The following CAPN5 variants were observed in gnomAD, a reference collection of about 807,000 sequenced individuals.
CAPN5 encodes calpain-5.
CAPN5 carries 54 observed loss-of-function variants against 73.0 expected under a neutral mutation model. The observed-to-expected ratio is 0.74, with a 90% CI of 0.59 to 0.93. The LOEUF is 0.93. Ranked by LOEUF, CAPN5 falls within the 40% of genes least tolerant of loss-of-function variation. The pLI is 0.00. For synonymous variants in CAPN5, 335 were observed against 356.9 expected, an observed-to-expected ratio of 0.94 and a Z score of 0.69; for missense variants, 785 against 882.9, an observed-to-expected ratio of 0.89 and a Z score of 1.41.
chr11:77,088,011 A>C (rs1555035852), intron 2 of CAPN5: 2 of 1,536,020 alleles, frequency 1.3e-6, no homozygotes, highest in South Asian at 2.4e-5. Context: ...GAATGTCCCC[A>C]GGCCTGGGAG....
intron 1 of CAPN5, among the ~76,000 whole-genome samples, chr11:77,074,556 A>T (rs1488886834): frequency 3.9e-5 from 6 of 152,124 alleles, no homozygotes; most frequent in African/African-American, 1.4e-4. Flanking sequence ...ACCAGCAAAG[A>T]TGTGCAAGTT....
chr11:77,086,292 G>C (rs1555035527), intron 2 of CAPN5, among the ~76,000 whole-genome samples: 2 of 152,176 alleles, frequency 1.3e-5, no homozygotes, highest in African/African-American at 4.8e-5. Context: ...ATGATCTCGA[G>C]TCCCTTCTGA....
chr11:77,118,498 T>G (rs1950490798), intron 8 of CAPN5, 146 bp downstream of exon 8: 1 of 661,328 alleles, frequency 1.5e-6, no homozygotes, highest in Non-Finnish European at 2.5e-6. Context: ...GGGGGTTAGA[T>G]GGGCACATCC....
At position 77,098,231 on chromosome 11, in the gene CAPN5, AC is replaced by A. The variant is rs1387405493; in HGVS notation, c.297+4426del. Among the ~76,000 whole-genome samples the A allele has an allele frequency of 1.3e-3, 74 of 56,860 alleles. 3 individuals are homozygous for A. Among genetic ancestry groups the A allele is most frequent in the Non-Finnish European group, 1.4e-3 (43 of 31,196 alleles). The allele number at this position is 56,860 out of a possible 152,430, so 37.3% of individuals were successfully genotyped here. On this transcript the variant is annotated intron_variant, in intron 3 of 12. Coordinates refer to ENST00000648180, the MANE Select transcript of CAPN5 (RefSeq NM_004055.5). ...GGCGGCTGGCCGGGCAGGGGGGCTG[AC>A]CCCCCCCACCTCCCTCCCGGACGGG...
intron 2 of CAPN5, chr11:77,087,990 C>A: frequency 6.5e-7 from 1 of 1,535,684 alleles, no homozygotes; most frequent in Non-Finnish European, 8.7e-7. Flanking sequence ...GGGAGATGCA[C>A]GGAGAATGGA....
At chr11:77,118,127 G>A (rs1555042038) in intron 7 of CAPN5, 30 bp from the exon 8 acceptor site, 2 of 1,589,492 alleles carry the variant, frequency 1.3e-6, no homozygotes, top group South Asian at 1.1e-5. Context: ...TGTGGGGGAG[G>A]TACCCTGCTC....
At chr11:77,087,788 TG>T (rs745458986) in intron 2 of CAPN5, among the ~76,000 whole-genome samples, 7 of 152,218 alleles carry the variant, frequency 4.6e-5, no homozygotes, top group South Asian at 4.1e-4. Flanking sequence ...GGCAACTTTT[TG>T]TTGGGGACCT....
chr11:77,120,142 G>A (rs1405909072), intron 9 of CAPN5: 1 of 152,280 alleles, frequency 6.6e-6, no homozygotes, highest in Non-Finnish European at 1.5e-5. Flanking sequence ...CAAACTCCTG[G>A]ACTCAAACGA....
chr11:77,073,303 T>C (rs1949930655), intron 1 of CAPN5, among the ~76,000 whole-genome samples: 1 of 152,220 alleles, frequency 6.6e-6, no homozygotes, highest in Non-Finnish European at 1.5e-5. Context: ...GACTTCTTCC[T>C]GTCCTGCCCA....
intron 9 of CAPN5, 176 bp downstream of exon 9, chr11:77,119,328 G>A (rs1261909282): frequency 1.4e-6 from 1 of 693,432 alleles, no homozygotes; most frequent in African/African-American, 1.8e-5. Flanking sequence ...ATTCACAGAG[G>A]GCCCAGCCTG....
intron 1 of CAPN5, chr11:77,071,628 A>C (rs1421787538): frequency 6.6e-6 from 3 of 454,330 alleles, no homozygotes; most frequent in South Asian, 4.7e-5. Flanking sequence ...TCTGAAGCAC[A>C]AAGAGGTTAA....
chr11:77,096,039 G>A (rs7943320), intron 3 of CAPN5, among the ~76,000 whole-genome samples: 2,310 of 152,236 alleles, frequency 0.015, 63 homozygotes, highest in African/African-American at 0.053. Context: ...TCATTACTGC[G>A]CCTTCCGTCC....
chr11:77,121,196 A>C (rs1239378046), intron 10 of CAPN5, among the ~76,000 whole-genome samples: 2 of 152,214 alleles, frequency 1.3e-5, no homozygotes, highest in South Asian at 2.1e-4. Context: ...TGACTCCCGC[A>C]CTTTACCAGT....
intron 3 of CAPN5, among the ~76,000 whole-genome samples, chr11:77,094,332 G>C (rs934277555): frequency 6.6e-6 from 1 of 152,188 alleles, no homozygotes; most frequent in Non-Finnish European, 1.5e-5. Flanking sequence ...GGGTGGGAAA[G>C]AATGGGCTCT....
chr11:77,120,968 C>A, intron 10 of CAPN5, 59 bp downstream of exon 10: 5 of 1,498,086 alleles, frequency 3.3e-6, no homozygotes, highest in Non-Finnish European at 4.6e-6. Flanking sequence ...ACTGGGCCAA[C>A]CAGGAACCTG....
chr11:77,112,901 TG>T, intron 4 of CAPN5, 104 bp downstream of exon 4: 1 of 1,118,012 alleles, frequency 8.9e-7, no homozygotes. Flanking sequence ...CACAGAGAAG[TG>T]AGGGGCTGGT....
chr11:77,102,071 G>A (rs1046891818), intron 3 of CAPN5, among the ~76,000 whole-genome samples: 7 of 152,216 alleles, frequency 4.6e-5, no homozygotes, highest in Non-Finnish European at 2.9e-5. Context: ...TAGGAATGCA[G>A]ATTCTCAGGC....
In CAPN5 at chr11:77,093,197, C is replaced by T. The variant is rs998736307; in HGVS notation, c.166-485C>T. Among the ~76,000 whole-genome samples, 23 of 152,210 alleles carry T rather than the reference C, an allele frequency of 1.5e-4. No individual in the cohort carries two copies. In the East Asian group the frequency reaches 1.9e-3, roughly 13 times the overall value. On this transcript the variant is annotated intron_variant, in intron 2 of 12. Transcript: ENST00000648180. ...GGCCCACCGCTCCCCACTGGCCCCTCGCTTTGTGCTCCCCAGCTGGGATAT... is the reference window on the plus strand; with the variant it reads ...GGCCCACCGCTCCCCACTGGCCCCTTGCTTTGTGCTCCCCAGCTGGGATAT...
At chr11:77,082,826 G>A (rs1254883550) in intron 1 of CAPN5, among the ~76,000 whole-genome samples, 1 of 152,198 alleles carries the variant, frequency 6.6e-6, no homozygotes, top group Non-Finnish European at 1.5e-5. Context: ...TGTGCCCTGG[G>A]CGAGCTTCCT....
Sources: allele counts gnomAD v4.1 joint callset (sites outside exome capture counted in the v4.1 genomes callset), GRCh38; gene constraint gnomAD v4.1.1; transcripts MANE v1.5; gene names NCBI Gene and HGNC (gene_info 2026-07-23, HGNC 2026-07-21).